The following CAMK2B variants were observed in gnomAD, a reference collection of about 807,000 sequenced individuals.
CAMK2B encodes the protein calcium/calmodulin-dependent protein kinase type II subunit beta.
CAMK2B carries 27 observed loss-of-function variants against 93.7 expected under a neutral mutation model. The ratio of observed to expected loss-of-function variants is 0.29; its 90% CI spans 0.21 to 0.40. The LOEUF is 0.40. Among genes scored for constraint, CAMK2B ranks in the 10% least tolerant of loss-of-function variants. The pLI, the probability that CAMK2B is intolerant of heterozygous loss-of-function variation, is 1.00. For synonymous variants in CAMK2B, 374 were observed against 358.8 expected, an observed-to-expected ratio of 1.04 and a Z score of -0.48; for missense variants, 568 against 895.8, an observed-to-expected ratio of 0.63 and a Z score of 4.67.
chr7:44,276,853 C>A (rs1218621593), intron 2 of CAMK2B, among the ~76,000 whole-genome samples: 2 of 152,192 alleles, frequency 1.3e-5, no homozygotes, highest in African/African-American at 4.8e-5. Context: ...GCTAGGGGAC[C>A]CCGTCCACCT....
rs1042326291 is a variant in CAMK2B, at chr7:44,224,932, G to A, written c.1597+1584C>T. Among the ~76,000 whole-genome samples the A allele has an allele frequency of 8.6e-5, 13 of 151,966 alleles. No individual in the cohort carries two copies. Among genetic ancestry groups the A allele is most frequent in the Admixed American group, 1.3e-4 (2 of 15,268 alleles). On this transcript the variant is annotated intron_variant, in intron 20 of 23. Coordinates refer to ENST00000395749, the MANE Select transcript of CAMK2B (RefSeq NM_001220.5). This position sits in a 1 kb window ranked among gnomAD's most constrained non-coding sequence, Gnocchi z 4.4. Reference sequence around the variant, plus strand: ...CAGACTCTTCCTTTCCCTGAGTTCCGGAACATCTCACCCACCCCTTTCCCA... The same window carrying A: ...CAGACTCTTCCTTTCCCTGAGTTCCAGAACATCTCACCCACCCCTTTCCCA...
chr7:44,248,089 G>T lies in CAMK2B; in HGVS notation c.342-897C>A, dbSNP rs999163763. Among the ~76,000 whole-genome samples the T allele has an allele frequency of 4.6e-5, 7 of 152,146 alleles. No individual in the cohort carries two copies. The highest frequency in any genetic ancestry group is 8.8e-5 in the Non-Finnish European group (6 of 68,026). Reference sequence around the variant, plus strand: ...CACATTGGCTGGTGGCTGCCGTGTTGGGTGGCTCAGTTCCAGCAGCACTAG... The same window carrying T: ...CACATTGGCTGGTGGCTGCCGTGTTTGGTGGCTCAGTTCCAGCAGCACTAG... On this transcript the variant is annotated intron_variant, in intron 5 of 23. Transcript: ENST00000395749. The surrounding 1 kb of genome is among the most constrained non-coding windows in gnomAD (Gnocchi z 4.1).
At chr7:44,321,872 G>A (rs921756027) in intron 1 of CAMK2B, among the ~76,000 whole-genome samples, 1 of 152,254 alleles carries the variant, frequency 6.6e-6, no homozygotes, top group African/African-American at 2.4e-5. Context: ...GCAGCACCCA[G>A]GGAAAGGGGC....
chr7:44,278,501 T>C (rs561073662), intron 2 of CAMK2B, among the ~76,000 whole-genome samples: 22 of 152,096 alleles, frequency 1.4e-4, no homozygotes, highest in African/African-American at 4.8e-4. Flanking sequence ...ACCTCCCCCA[T>C]TCCTCCTCAG....
At chr7:44,239,241 T>G (rs1376697917) in intron 13 of CAMK2B, among the ~76,000 whole-genome samples, 2 of 151,392 alleles carry the variant, frequency 1.3e-5, no homozygotes, top group African/African-American at 4.9e-5. Flanking sequence ...CTTTCAGGAT[T>G]CAGACCCCCC....
intron 1 of CAMK2B, among the ~76,000 whole-genome samples, chr7:44,305,739 T>C (rs1013874714): frequency 1.3e-5 from 2 of 152,114 alleles, no homozygotes; most frequent in African/African-American, 2.4e-5. Context: ...CGAGAGGCCT[T>C]GGGTGCCGTC....
At chr7:44,274,852 C>T (rs1241711569) in intron 2 of CAMK2B, among the ~76,000 whole-genome samples, 1 of 152,138 alleles carries the variant, frequency 6.6e-6, no homozygotes, top group Non-Finnish European at 1.5e-5. Context: ...AATCCTCACT[C>T]ACCTCCTGGA....
At chr7:44,292,219 C>G (rs1787060834) in intron 1 of CAMK2B, among the ~76,000 whole-genome samples, 1 of 152,140 alleles carries the variant, frequency 6.6e-6, no homozygotes, top group South Asian at 2.1e-4. Context: ...AGTTACATGG[C>G]ATTCTCTCTG....
Position 44,229,455 on chromosome 7 carries a change from T to C in CAMK2B, c.1272A>G (p.Gly424=), listed in dbSNP as rs2128914451. The C allele has an allele frequency of 1.3e-6, 2 of 1,483,800 alleles. No individual in the cohort carries two copies. The highest frequency in any genetic ancestry group is 8.9e-7 in the Non-Finnish European group (1 of 1,118,112). 91.9% of individuals were successfully genotyped at this position (1,483,800 alleles called of 1,614,324 possible). A position where few individuals can be genotyped will look rare whatever the true frequency, so the allele number is the denominator to read the frequency against. Residue 424 remains glycine, a synonymous_variant, in exon 18 of 24, where the codon GGA becomes GGG. Transcript: ENST00000395749. Reference sequence around the variant, plus strand: ...GCAGGGGCCCCTCGGCTTCTGGGGCTCCCGAGCCCCTCCTCACTGAGCTCA... The same window carrying C: ...GCAGGGGCCCCTCGGCTTCTGGGGCCCCCGAGCCCCTCCTCACTGAGCTCA... The part of the protein sequence containing the change: ...DILSSVRRGS[G]APEAEGPLPC...
chr7:44,238,488 G>A (rs192437160), intron 13 of CAMK2B, among the ~76,000 whole-genome samples: 3 of 152,314 alleles, frequency 2.0e-5, no homozygotes, highest in Admixed American at 6.5e-5. Context: ...TGGAGAAGAC[G>A]TGGGAGGGCT....
chr7:44,319,671 T>A (rs1052279712), intron 1 of CAMK2B, among the ~76,000 whole-genome samples: 24 of 152,192 alleles, frequency 1.6e-4, no homozygotes, highest in Non-Finnish European at 2.9e-5. Flanking sequence ...TGGGCCCTCC[T>A]AATGACCTTT....
intron 1 of CAMK2B, 134 bp from the exon 2 acceptor site, chr7:44,284,359 T>C (rs578164084): frequency 9.0e-6 from 6 of 666,602 alleles, no homozygotes; most frequent in African/African-American, 7.2e-5. Flanking sequence ...CAGATGGCTG[T>C]GAGTCAGAAA....
At chr7:44,306,005 G>T (rs1257736784) in intron 1 of CAMK2B, among the ~76,000 whole-genome samples, 1 of 152,156 alleles carries the variant, frequency 6.6e-6, no homozygotes, top group Admixed American at 6.5e-5. Context: ...ACTGCAAGGG[G>T]GGATGATGTG....
chr7:44,221,719 C>T (rs746614133), intron 20 of CAMK2B, among the ~76,000 whole-genome samples: 70 of 151,430 alleles, frequency 4.6e-4, no homozygotes, highest in Admixed American at 1.2e-3. Context: ...AGCTCCTGCC[C>T]GCCCCCCTTG....
intron 20 of CAMK2B, among the ~76,000 whole-genome samples, chr7:44,223,713 G>T (rs1014998636): frequency 2.6e-5 from 4 of 151,886 alleles, no homozygotes; most frequent in Non-Finnish European, 5.9e-5. Context: ...CAAGCTTCAG[G>T]TCTGACCTCT....
chr7:44,239,959 C>T (rs1187935899), intron 12 of CAMK2B, among the ~76,000 whole-genome samples: 2 of 152,162 alleles, frequency 1.3e-5, no homozygotes, highest in African/African-American at 4.8e-5. Flanking sequence ...GTTGGTGTGA[C>T]CGTGTGCACG....
chr7:44,259,228 G>T (rs986244974), intron 3 of CAMK2B, among the ~76,000 whole-genome samples: 4 of 152,206 alleles, frequency 2.6e-5, no homozygotes, highest in Non-Finnish European at 5.9e-5. Flanking sequence ...CTGCCAGAGA[G>T]AGACCAGGTC....
In CAMK2B at chr7:44,242,702, G is replaced by A. The variant is rs1323510231; in HGVS notation, c.602-48C>T. ...CCGCAGCCACTTGCAGGGTGCCACC[G>A]TCCATGAAGCCCATGCCCTGCACCC... On this transcript the variant is annotated intron_variant, in intron 8 of 23. Transcript: ENST00000395749. 6 of 1,350,604 alleles carry A rather than the reference G, an allele frequency of 4.4e-6. No individual in the cohort carries two copies. In the Admixed American group the frequency reaches 5.6e-5, roughly 13 times the overall value. 83.7% of individuals were successfully genotyped at this position (1,350,604 alleles called of 1,614,324 possible).
rs1584178977 is a variant in CAMK2B at position 44,248,505 on chromosome 7, A to G, written c.342-1313T>C. Among the ~76,000 whole-genome samples the G allele has an allele frequency of 6.6e-6, 1 of 152,172 alleles. No homozygotes were observed. The highest frequency in any genetic ancestry group is 1.5e-5 in the Non-Finnish European group (1 of 68,014). On this transcript the variant is annotated intron_variant, in intron 5 of 23. Transcript: ENST00000395749. The surrounding 1 kb of genome is among the most constrained non-coding windows in gnomAD (Gnocchi z 4.1). The stretch of plus-strand genomic sequence containing the variant: ...TGCTGGGCCTGGAGGCATTTGCCAC[A>G]GGCTGCCGATGCCCACCTGCCTGGG...
Sources: allele counts gnomAD v4.1 joint callset (sites outside exome capture counted in the v4.1 genomes callset), GRCh38; gene constraint gnomAD v4.1.1; non-coding constraint Gnocchi (gnomAD v3.1); transcripts MANE v1.5; gene names NCBI Gene and HGNC (gene_info 2026-07-23, HGNC 2026-07-21).